The following GALNT1 variants were observed in gnomAD, a reference collection of about 807,000 sequenced individuals.
GALNT1 encodes GalNAc transferase 1.
Under a neutral mutation model 65.7 loss-of-function variants are expected in GALNT1, and 17 were observed. That is an observed-to-expected ratio of 0.26 (90% CI 0.18 to 0.39). The LOEUF (loss-of-function observed/expected upper bound fraction) is 0.39. GALNT1 is among the 10% of genes least tolerant of loss of function. The pLI is 1.00. For synonymous variants in GALNT1, 210 were observed against 219.7 expected, an observed-to-expected ratio of 0.96 and a Z score of 0.39; for missense variants, 460 against 672.8, an observed-to-expected ratio of 0.68 and a Z score of 3.50.
At chr18:35,670,630 T>C (rs1483173084) in intron 3 of GALNT1, among the ~76,000 whole-genome samples, 3 of 152,224 alleles carry the variant, frequency 2.0e-5, no homozygotes, top group African/African-American at 4.8e-5. Flanking sequence ...ACATGTGTAA[T>C]TTGACAAGTT....
Position 35,616,675 on chromosome 18 carries a change from G to T in GALNT1, c.-104+34813G>T, listed in dbSNP as rs183462513. On this transcript the variant is annotated intron_variant, in intron 1 of 11. Coordinates refer to ENST00000269195, the MANE Select transcript of GALNT1 (RefSeq NM_020474.4). ...TTGTGTTTTAATCTCCACATTCATG[G>T]TAGCTTGCTGAATACTTGGCAGAAA... Among the ~76,000 whole-genome samples the T allele has an allele frequency of 1.1e-3, 160 of 152,084 alleles. 2 individuals are homozygous for T. Among genetic ancestry groups the T allele is most frequent in the African/African-American group, 3.6e-3 (151 of 41,486 alleles).
At chr18:35,625,217 T>C (rs1469744588) in intron 1 of GALNT1, among the ~76,000 whole-genome samples, 1 of 152,112 alleles carries the variant, frequency 6.6e-6, no homozygotes, top group Non-Finnish European at 1.5e-5. Flanking sequence ...AAGATACATA[T>C]ATGGAAGCCA....
At chr18:35,620,582 T>G (rs1272906427) in intron 1 of GALNT1, among the ~76,000 whole-genome samples, 1 of 152,202 alleles carries the variant, frequency 6.6e-6, no homozygotes, top group African/African-American at 2.4e-5. Flanking sequence ...CTCTACAGTG[T>G]TTGTGTCCAT....
At chr18:35,627,866 A>G (rs544422196) in intron 1 of GALNT1, among the ~76,000 whole-genome samples, 1 of 152,226 alleles carries the variant, frequency 6.6e-6, no homozygotes, top group South Asian at 2.1e-4. Context: ...GGTCACTCCC[A>G]CCCTAATACT....
chr18:35,688,808 A>G (rs559117316), intron 6 of GALNT1, among the ~76,000 whole-genome samples: 25 of 152,300 alleles, frequency 1.6e-4, no homozygotes, highest in Middle Eastern at 3.4e-3. Flanking sequence ...GTGGGTGCAC[A>G]GTCAGATGGA....
rs751390548 is a variant in GALNT1 at position 35,702,926 on chromosome 18, A to G, written c.1329A>G (p.Leu443=). 101 of 1,610,028 alleles carry G rather than the reference A, an allele frequency of 6.3e-5. No individual in the cohort carries two copies. Among genetic ancestry groups the G allele is most frequent in the Non-Finnish European group, 1.4e-5 (16 of 1,178,662 alleles). The change falls in exon 10 of 12, where the codon CTA becomes CTG. Residue 443 remains leucine, a synonymous_variant. Coordinates refer to ENST00000269195, the MANE Select transcript of GALNT1 (RefSeq NM_020474.4). ...GAAATGTGGAAACGAATCAGTGTCT[A>G]GATAACATGGCTAGAAAAGAGAATG... ...EIRNVETNQC[L]DNMARKENEK...
chr18:35,649,677 A>G (rs2047284402), intron 1 of GALNT1, among the ~76,000 whole-genome samples: 1 of 152,158 alleles, frequency 6.6e-6, no homozygotes. Context: ...CTAAGGTCTC[A>G]GGGTCTCAAA....
intron 2 of GALNT1, among the ~76,000 whole-genome samples, chr18:35,657,057 C>T (rs1252742130): frequency 1.3e-5 from 2 of 151,748 alleles, no homozygotes; most frequent in Admixed American, 6.6e-5. Context: ...AAGGTGGATG[C>T]ATGAAGTTGA....
chr18:35,631,773 G>T (rs1411633995), intron 1 of GALNT1, among the ~76,000 whole-genome samples: 1 of 152,174 alleles, frequency 6.6e-6, no homozygotes, highest in African/African-American at 2.4e-5. Flanking sequence ...AATTGTCCCT[G>T]TTTGCAGATG....
chr18:35,700,946 T>C (rs2048151819), intron 9 of GALNT1, among the ~76,000 whole-genome samples: 1 of 152,204 alleles, frequency 6.6e-6, no homozygotes, highest in African/African-American at 2.4e-5. Flanking sequence ...TATTTACATC[T>C]GCATTTGGGG....
Position 35,663,623 on chromosome 18 carries a change from C to T in GALNT1, c.140-5C>T, listed in dbSNP as rs749220098. On this transcript the variant is annotated splice_region_variant and splice_polypyrimidine_tract_variant and intron_variant, in intron 2 of 11. Coordinates refer to ENST00000269195, the MANE Select transcript of GALNT1 (RefSeq NM_020474.4). ...AATGTTAGTTAAGTTTCTTCCTATTCTTAGTTCTAGAGCCAGTACAAAAGC... is the reference window on the plus strand; with the variant it reads ...AATGTTAGTTAAGTTTCTTCCTATTTTTAGTTCTAGAGCCAGTACAAAAGC... 2 of 1,591,728 alleles carry T rather than the reference C, an allele frequency of 1.3e-6. No individual in the cohort carries two copies. Among genetic ancestry groups the T allele is most frequent in the Admixed American group, 1.9e-5 (1 of 51,678 alleles).
chr18:35,658,560 T>C (rs1329102735), intron 2 of GALNT1, among the ~76,000 whole-genome samples: 1 of 151,886 alleles, frequency 6.6e-6, no homozygotes, highest in Non-Finnish European at 1.5e-5. Flanking sequence ...AGCCCAGAGG[T>C]TGTTAAGGTT....
At chr18:35,606,271 T>TA (rs2046646224) in intron 1 of GALNT1, among the ~76,000 whole-genome samples, 1 of 151,912 alleles carries the variant, frequency 6.6e-6, no homozygotes. Flanking sequence ...GTCACGTGAC[T>TA]AACCTATATT....
intron 1 of GALNT1, among the ~76,000 whole-genome samples, chr18:35,613,564 C>T (rs2144058485): frequency 6.6e-6 from 1 of 152,156 alleles, no homozygotes; most frequent in Non-Finnish European, 1.5e-5. Flanking sequence ...CTTCAAAACC[C>T]AGAACTTTGG....
At chr18:35,660,697 T>C (rs2047466794) in intron 2 of GALNT1, among the ~76,000 whole-genome samples, 2 of 152,214 alleles carry the variant, frequency 1.3e-5, no homozygotes, top group East Asian at 3.8e-4. Context: ...TGCTTTCTAA[T>C]GCTATAAATG....
At chr18:35,679,451 A>G (rs2047757022) in intron 4 of GALNT1, among the ~76,000 whole-genome samples, 1 of 152,160 alleles carries the variant, frequency 6.6e-6, no homozygotes. Flanking sequence ...AGTGACAGAG[A>G]AACTCACCTA....
intron 1 of GALNT1, among the ~76,000 whole-genome samples, chr18:35,602,598 G>A (rs1013180523): frequency 4.6e-5 from 7 of 151,440 alleles, no homozygotes; most frequent in African/African-American, 1.5e-4. Context: ...TCCTGTCTTC[G>A]AGCTCATATT....
chr18:35,709,790 C>G lies in GALNT1; in HGVS notation c.*20C>G. On this transcript the variant is annotated 3_prime_UTR_variant, in exon 12 of 12. Coordinates refer to ENST00000269195, the MANE Select transcript of GALNT1 (RefSeq NM_020474.4). ...TTCTGAGACCAAATTTACAAAAAAA[C>G]GAAAAAAATAAGGATTGACTGGGCT... The G allele has an allele frequency of 6.2e-7, 1 of 1,610,860 alleles. No homozygotes were observed.
chr18:35,692,041 A>G (rs1024305230), intron 8 of GALNT1, 140 bp from the exon 9 acceptor site: 2 of 634,770 alleles, frequency 3.2e-6, no homozygotes, highest in Non-Finnish European at 5.4e-6. Context: ...TGGTGGATTC[A>G]TGGTGTCTCC....
Sources: allele counts gnomAD v4.1 joint callset (sites outside exome capture counted in the v4.1 genomes callset), GRCh38; gene constraint gnomAD v4.1.1; transcripts MANE v1.5; gene names NCBI Gene and HGNC (gene_info 2026-07-23, HGNC 2026-07-21).